Variants in ADK observed in about 807,000 individuals in gnomAD.
ADK encodes the protein N6,N6-dimethyladenosine kinase.
A neutral mutation model predicts 44.7 loss-of-function variants in ADK; 24 were observed. The ratio of observed to expected loss-of-function variants is 0.54; its 90% confidence interval spans 0.39 to 0.76. ADK has a LOEUF of 0.76. ADK is among the 30% of genes least tolerant of loss of function. The pLI is 0.00. For missense variants in ADK, 321 were observed against 425.1 expected (o/e 0.76, Z 2.15); for synonymous variants, 128 against 142.6 (o/e 0.90, Z 0.73).
chr10:74,550,097 G>A (rs1047120605), intron 7 of ADK, among the ~76,000 whole-genome samples: 3 of 144,308 alleles, frequency 2.1e-5, no homozygotes. Flanking sequence ...TTGAGATGGA[G>A]TCTCATTCTG....
chr10:74,695,619 GGTGTGTGTGTGTGTGT>G (rs749294668), intron 10 of ADK, among the ~76,000 whole-genome samples: 1 of 90,072 alleles, frequency 1.1e-5, no homozygotes, highest in Non-Finnish European at 2.6e-5. Context: ...GTATGTGTGG[GGTGTGTGTGTGTGTGT>G]GTGTGTGTGT....
At chr10:74,430,208 A>G (rs779960608) in intron 6 of ADK, among the ~76,000 whole-genome samples, 9 of 152,182 alleles carry the variant, frequency 5.9e-5, no homozygotes, top group Admixed American at 1.3e-4. Context: ...TTGTAATATA[A>G]TACAGAGAGA....
In ADK at chr10:74,631,233, C is replaced by CGT. The variant is rs142037822; in HGVS notation, c.877+30755_877+30756dup. ...TCTGTGTCTATATTTAACCTGTGTG[C>CGT]GTGTGTGTGTGTGTGTATGTGTGTG... On this transcript the variant is annotated intron_variant, in intron 9 of 10. Transcript: ENST00000539909. 1.4e-3 allele frequency among the ~76,000 whole-genome samples: 204 copies of CGT among 147,598 alleles called. 3 individuals are homozygous for CGT. Among genetic ancestry groups the CGT allele is most frequent in the East Asian group, 0.012 (62 of 5,072 alleles).
At chr10:74,344,626 C>CT (rs1841700174) in intron 4 of ADK, 1 of 240,348 alleles carries the variant, frequency 4.2e-6, no homozygotes. Context: ...CATGGATATT[C>CT]TTTTTGTCAT....
At chr10:74,700,092 G>C (rs1458251472) in intron 10 of ADK, among the ~76,000 whole-genome samples, 2 of 152,076 alleles carry the variant, frequency 1.3e-5, no homozygotes, top group African/African-American at 4.8e-5. Flanking sequence ...ATTCATTGTA[G>C]CATTGTTTAT....
intron 3 of ADK, among the ~76,000 whole-genome samples, chr10:74,313,121 C>T (rs551122122): frequency 4.4e-4 from 67 of 151,894 alleles, no homozygotes; most frequent in Middle Eastern, 3.4e-3. Context: ...TATTGATTGA[C>T]TTTATGACTT....
intron 2 of ADK, among the ~76,000 whole-genome samples, chr10:74,219,547 G>A (rs1169539153): frequency 2.6e-5 from 4 of 151,962 alleles, no homozygotes; most frequent in Non-Finnish European, 4.4e-5. Context: ...ACTCTCCACC[G>A]CAAATCAATA....
intron 4 of ADK, among the ~76,000 whole-genome samples, chr10:74,349,244 A>AGTG (rs557072899): frequency 1.1e-3 from 164 of 152,322 alleles, no homozygotes; most frequent in African/African-American, 3.8e-3. Context: ...GCCAGAAGAG[A>AGTG]GTGGGGGCCA....
chr10:74,258,103 T>A (rs1188117941), intron 3 of ADK, among the ~76,000 whole-genome samples: 1 of 152,266 alleles, frequency 6.6e-6, no homozygotes, highest in Admixed American at 6.5e-5. Flanking sequence ...TATGAGCTTT[T>A]CCTCTTGCTT....
Position 74,240,372 on chromosome 10 carries a change from T to TTGTG in ADK, c.194+15807_194+15810dup, listed in dbSNP as rs142465407. 7.6e-3 allele frequency among the ~76,000 whole-genome samples: 1,114 copies of TTGTG among 147,216 alleles called. 4 individuals carry two copies. The highest frequency in any genetic ancestry group is 9.0e-3 in the African/African-American group (361 of 40,238). On this transcript the variant is annotated intron_variant, in intron 3 of 10. Transcript: ENST00000539909. ...AGCCTGTCAGTGTTTTCCTTTTATTTTGTGTGTGTGTGTGTGTGTGTGTGT... is the reference window on the plus strand; with the variant it reads ...AGCCTGTCAGTGTTTTCCTTTTATTTTGTGTGTGTGTGTGTGTGTGTGTGTGTGT...
chr10:74,224,503 G>C (rs375259414), intron 2 of ADK, 35 bp from the exon 3 acceptor site: 1 of 1,568,504 alleles, frequency 6.4e-7, no homozygotes, highest in African/African-American at 1.4e-5. Flanking sequence ...CACTGTGTGT[G>C]TATGAAGAGT....
chr10:74,237,888 C>T (rs572173115), intron 3 of ADK, among the ~76,000 whole-genome samples: 2 of 152,140 alleles, frequency 1.3e-5, no homozygotes, highest in South Asian at 2.1e-4. Flanking sequence ...CACCTGAGGT[C>T]GGGAGTTCGA....
intron 5 of ADK, 114 bp downstream of exon 5, chr10:74,394,427 T>A: frequency 1.0e-6 from 1 of 998,570 alleles, no homozygotes; most frequent in Non-Finnish European, 1.5e-6. Flanking sequence ...TAATGTTTGA[T>A]AAATGCTTAT....
intron 9 of ADK, among the ~76,000 whole-genome samples, chr10:74,609,780 T>G (rs1342992247): frequency 6.6e-6 from 1 of 152,226 alleles, no homozygotes; most frequent in African/African-American, 2.4e-5. Flanking sequence ...CTTGGAGTTT[T>G]ATTCTACAGA....
At chr10:74,372,448 G>A in intron 4 of ADK, 1 of 493,754 alleles carries the variant, frequency 2.0e-6, no homozygotes, top group Non-Finnish European at 3.7e-6. Flanking sequence ...AAGCAACATG[G>A]AAATAAGGTT....
chr10:74,643,626 G>A (rs1192868669), intron 9 of ADK, among the ~76,000 whole-genome samples: 1 of 152,108 alleles, frequency 6.6e-6, no homozygotes, highest in Non-Finnish European at 1.5e-5. Flanking sequence ...TGTAATTTCT[G>A]CTGGTTTTAA....
chr10:74,277,621 G>A (rs1846750434), intron 3 of ADK, among the ~76,000 whole-genome samples: 1 of 151,872 alleles, frequency 6.6e-6, no homozygotes, highest in South Asian at 2.1e-4. Flanking sequence ...GGATGGTCTC[G>A]ATCTCCTGAC....
intron 4 of ADK, among the ~76,000 whole-genome samples, chr10:74,367,840 A>G (rs764467572): frequency 2.8e-4 from 43 of 152,236 alleles, no homozygotes; most frequent in Non-Finnish European, 1.3e-4. Context: ...GTTTCTAAGC[A>G]TAAGAAGGCT....
intron 6 of ADK, among the ~76,000 whole-genome samples, chr10:74,490,195 A>T (rs984845281): frequency 6.6e-6 from 1 of 152,072 alleles, no homozygotes; most frequent in Non-Finnish European, 1.5e-5. Flanking sequence ...TTTAGAAAAG[A>T]TTTTCAAAAT....
Sources: allele counts gnomAD v4.1 joint callset (sites outside exome capture counted in the v4.1 genomes callset), GRCh38; gene constraint gnomAD v4.1.1; transcripts MANE v1.5; gene names NCBI Gene and HGNC (gene_info 2026-07-23, HGNC 2026-07-21).